FCHSD2: variants seen among roughly 807,000 people sequenced by gnomAD.
FCHSD2 encodes FCH and double SH3 domains 2, also known as F-BAR and double SH3 domains protein 2.
In FCHSD2, 38 loss-of-function variants were observed where a neutral mutation model predicts 108.1. The ratio of observed to expected loss-of-function variants is 0.35; its 90% CI spans 0.27 to 0.46. The LOEUF is 0.46. FCHSD2 is among the 20% of genes least tolerant of loss of function. FCHSD2 has a pLI of 1.00. For missense variants in FCHSD2, 751 were observed against 897.8 expected (o/e 0.84, Z 2.09); for synonymous variants, 279 against 314.7 (o/e 0.89, Z 1.20).
intron 3 of FCHSD2, among the ~76,000 whole-genome samples, chr11:73,069,587 G>A (rs1859384820): frequency 6.6e-6 from 1 of 152,014 alleles, no homozygotes; most frequent in Non-Finnish European, 1.5e-5. Flanking sequence ...GTTCAAACTG[G>A]TTAATTCATC....
chr11:73,041,139 AC>A (rs1404797867), intron 3 of FCHSD2, among the ~76,000 whole-genome samples: 1 of 152,220 alleles, frequency 6.6e-6, no homozygotes, highest in East Asian at 1.9e-4. Flanking sequence ...GTTGATGGAC[AC>A]GTAGGTTGAT....
intron 8 of FCHSD2, among the ~76,000 whole-genome samples, chr11:72,958,805 T>C (rs1483283005): frequency 2.6e-5 from 4 of 152,186 alleles, no homozygotes; most frequent in Admixed American, 6.5e-5. Flanking sequence ...ATAATCTTTT[T>C]AAAAGTTGAA....
chr11:73,047,949 TAG>T (rs1414527944), intron 3 of FCHSD2, among the ~76,000 whole-genome samples: 1 of 152,216 alleles, frequency 6.6e-6, no homozygotes, highest in Non-Finnish European at 1.5e-5. Flanking sequence ...GTAATTTATG[TAG>T]AGTGATTATG....
chr11:73,081,928 C>T (rs571714234), intron 3 of FCHSD2, among the ~76,000 whole-genome samples: 2 of 152,056 alleles, frequency 1.3e-5, no homozygotes, highest in African/African-American at 4.8e-5. Flanking sequence ...CAAGATCGGG[C>T]GCGGTGACTC....
At chr11:72,843,826 T>C (rs1321107477) in intron 14 of FCHSD2, among the ~76,000 whole-genome samples, 1 of 149,082 alleles carries the variant, frequency 6.7e-6, no homozygotes, top group Non-Finnish European at 1.5e-5. Context: ...TCTCTACCAA[T>C]AAATAAATAA....
chr11:73,019,027 C>G (rs149929919), intron 3 of FCHSD2, among the ~76,000 whole-genome samples: 1 of 152,170 alleles, frequency 6.6e-6, no homozygotes, highest in African/African-American at 2.4e-5. Flanking sequence ...ATATGGGTTA[C>G]TGCCAAACAA....
chr11:72,921,208 G>C (rs533671263), intron 9 of FCHSD2, among the ~76,000 whole-genome samples: 1 of 152,114 alleles, frequency 6.6e-6, no homozygotes, highest in Non-Finnish European at 1.5e-5. Flanking sequence ...CCAACCACAG[G>C]AACAATTTAT....
chr11:72,914,126 T>C (rs1855823498), intron 9 of FCHSD2, among the ~76,000 whole-genome samples: 1 of 152,072 alleles, frequency 6.6e-6, no homozygotes, highest in Admixed American at 6.6e-5. Context: ...GTGATTCTCC[T>C]GCCTCAGCCT....
chr11:72,987,920 G>C (rs1857340107), intron 6 of FCHSD2, among the ~76,000 whole-genome samples: 1 of 152,106 alleles, frequency 6.6e-6, no homozygotes, highest in Non-Finnish European at 1.5e-5. Flanking sequence ...AATATTTGTA[G>C]GTTCAAACAA....
chr11:73,038,090 C>T (rs1858542773), intron 3 of FCHSD2, among the ~76,000 whole-genome samples: 1 of 152,124 alleles, frequency 6.6e-6, no homozygotes, highest in Admixed American at 6.6e-5. Context: ...AACCATCTAT[C>T]ACTAAAAAAT....
intron 8 of FCHSD2, among the ~76,000 whole-genome samples, chr11:72,965,526 T>C (rs1364282214): frequency 6.6e-6 from 1 of 152,264 alleles, no homozygotes; most frequent in Non-Finnish European, 1.5e-5. Context: ...TTGTACATAC[T>C]GCCATTATAG....
intron 10 of FCHSD2, among the ~76,000 whole-genome samples, chr11:72,893,296 C>A (rs1281096538): frequency 1.3e-5 from 2 of 152,056 alleles, no homozygotes; most frequent in African/African-American, 4.8e-5. Flanking sequence ...AGCCTCCACG[C>A]CTGGCCTAGA....
intron 3 of FCHSD2, among the ~76,000 whole-genome samples, chr11:73,023,460 C>T (rs191161055): frequency 2.4e-4 from 36 of 152,220 alleles, no homozygotes; most frequent in Admixed American, 1.7e-3. Context: ...CTTGTCATTA[C>T]GGAAATGCAA....
intron 3 of FCHSD2, among the ~76,000 whole-genome samples, chr11:73,069,610 C>G (rs1859385108): frequency 6.6e-6 from 1 of 151,634 alleles, no homozygotes; most frequent in South Asian, 2.1e-4. Context: ...GAACATAGCA[C>G]AAAGAGCAAA....
intron 3 of FCHSD2, among the ~76,000 whole-genome samples, chr11:73,073,293 A>T (rs927681219): frequency 2.6e-5 from 4 of 152,230 alleles, no homozygotes; most frequent in Admixed American, 6.5e-5. Flanking sequence ...TATGCAATAC[A>T]TCTGTTACTT....
intron 8 of FCHSD2, among the ~76,000 whole-genome samples, chr11:72,960,720 T>C (rs1175109199): frequency 6.6e-6 from 1 of 152,182 alleles, no homozygotes; most frequent in Non-Finnish European, 1.5e-5. Context: ...TCTGCTTTGA[T>C]AATGTTGGGA....
chr11:73,130,894 T>A (rs1477841174), intron 2 of FCHSD2, among the ~76,000 whole-genome samples: 1 of 152,248 alleles, frequency 6.6e-6, no homozygotes, highest in Non-Finnish European at 1.5e-5. Context: ...GAAATGTTAT[T>A]TAAGTGTAGC....
chr11:73,051,213 G>A (rs191560483), intron 3 of FCHSD2, among the ~76,000 whole-genome samples: 1 of 152,212 alleles, frequency 6.6e-6, no homozygotes, highest in Admixed American at 6.5e-5. Flanking sequence ...GGTGTTGCAT[G>A]CTGAGGAGGG....
chr11:73,020,081 T>C (rs1858065534), intron 3 of FCHSD2, among the ~76,000 whole-genome samples: 1 of 152,234 alleles, frequency 6.6e-6, no homozygotes, highest in African/African-American at 2.4e-5. Flanking sequence ...TCCATAAAGA[T>C]GTACTATCAA....
Sources: allele counts gnomAD v4.1 joint callset (sites outside exome capture counted in the v4.1 genomes callset), GRCh38; gene constraint gnomAD v4.1.1; transcripts MANE v1.5; gene names NCBI Gene and HGNC (gene_info 2026-07-23, HGNC 2026-07-21).